ALK: variants seen among roughly 807,000 people sequenced by gnomAD.
ALK encodes the protein ALK tyrosine kinase receptor.
A neutral mutation model predicts 163.1 loss-of-function variants in ALK; 74 were observed. The observed-to-expected ratio is 0.45, with a 90% CI of 0.38 to 0.55. ALK has a LOEUF of 0.55. ALK is among the 20% of genes least tolerant of loss of function. The pLI, the probability that ALK is intolerant of heterozygous loss-of-function variation, is 0.00. For missense variants in ALK, 2,063 were observed against 2,105.3 expected, an observed-to-expected ratio of 0.98 and a Z score of 0.39; for synonymous variants, 960 against 843.2, an observed-to-expected ratio of 1.14 and a Z score of -2.40.
At chr2:29,727,248 G>T (rs1374597556) in intron 1 of ALK, among the ~76,000 whole-genome samples, 3 of 152,178 alleles carry the variant, frequency 2.0e-5, no homozygotes, top group Non-Finnish European at 2.9e-5. Context: ...CTTAGGGTGA[G>T]GGGAAGAAGA....
intron 1 of ALK, among the ~76,000 whole-genome samples, chr2:29,737,081 T>C (rs1679912956): frequency 6.6e-6 from 1 of 152,074 alleles, no homozygotes; most frequent in Non-Finnish European, 1.5e-5. Flanking sequence ...AGTAAAAGCG[T>C]TTTGTAGAAA....
rs1666214137 is a variant in ALK, at chr2:29,297,194, C to G, written c.1648-137G>C. ...CTGGTGAGAAGAGCTGGATGCCCAC[C>G]ACCTGTCTCACCAAGAGGCTTTCAG... On this transcript the variant is annotated intron_variant, in intron 8 of 28. Transcript: ENST00000389048. 3 of 859,938 alleles carry G rather than the reference C, an allele frequency of 3.5e-6. No individual in the cohort carries two copies. In the Admixed American group the frequency reaches 6.0e-5, roughly 17 times the overall value. 53.3% of individuals were successfully genotyped at this position (859,938 alleles called of 1,614,324 possible).
intron 4 of ALK, among the ~76,000 whole-genome samples, chr2:29,530,232 A>G (rs1673086291): frequency 6.6e-6 from 1 of 152,114 alleles, no homozygotes; most frequent in Non-Finnish European, 1.5e-5. Context: ...TTAAATGAGA[A>G]TTGACTTCCT....
chr2:29,198,322 T>C (rs139156341), intron 26 of ALK, among the ~76,000 whole-genome samples: 2,081 of 136,370 alleles, frequency 0.015, 42 homozygotes, highest in African/African-American at 0.058. Context: ...AATGGAACTC[T>C]TTCTGTACAC....
At chr2:29,722,505 G>A (rs112847577) in intron 1 of ALK, among the ~76,000 whole-genome samples, 63 of 152,270 alleles carry the variant, frequency 4.1e-4, no homozygotes, top group African/African-American at 1.4e-3. Context: ...ACCATACAGT[G>A]AATTTCTCCT....
intron 4 of ALK, among the ~76,000 whole-genome samples, chr2:29,473,853 C>CAAAACAAAAACAAAAACAAAAACA (rs61386576): frequency 1.8e-4 from 27 of 151,012 alleles, no homozygotes; most frequent in African/African-American, 6.6e-4. Context: ...GAGACTTTGT[C>CAAAACAAAAACAAAAACAAAAACA]AAAACAAAAA....
chr2:29,868,775 G>A (rs3936218), intron 1 of ALK, among the ~76,000 whole-genome samples: 1,757 of 152,268 alleles, frequency 0.012, 35 homozygotes, highest in African/African-American at 0.04. Flanking sequence ...CTTCCATCAG[G>A]AGGTGGGGTT....
chr2:29,429,707 T>C (rs922037478), intron 4 of ALK, among the ~76,000 whole-genome samples: 1 of 152,060 alleles, frequency 6.6e-6, no homozygotes, highest in Non-Finnish European at 1.5e-5. Context: ...AGGTAACTTT[T>C]TGGTATAAAT....
intron 25 of ALK, chr2:29,208,068 A>G (rs1459283297): frequency 4.5e-6 from 2 of 442,372 alleles, no homozygotes; most frequent in Admixed American, 5.0e-5. Flanking sequence ...GAGGACATAA[A>G]TAGGTCAGTC....
intron 3 of ALK, among the ~76,000 whole-genome samples, chr2:29,614,052 G>GGGGCA (rs1675770800): frequency 6.6e-6 from 1 of 152,144 alleles, no homozygotes; most frequent in African/African-American, 2.4e-5. Flanking sequence ...AGACTCACCG[G>GGGGCA]GGGCATCAGG....
chr2:29,920,216 C>T lies in ALK; in HGVS notation c.444G>A (p.Glu148=). ...GCCCGACGCAACCCTCCAAGATCGC[C>T]TCCTCGCCCAGCTCCAGCACCAACT... is the stretch of plus-strand genomic sequence containing the variant. ...AKQLVLELGE[E]AILEGCVGPP... Residue 148 remains glutamate (E), a synonymous_variant, in exon 1 of 29, where the codon GAG becomes GAA. Transcript: ENST00000389048. 6.2e-7 allele frequency: 1 copy of T among 1,612,988 alleles called. No individual in the cohort carries two copies. The highest frequency in any genetic ancestry group is 8.5e-7 in the Non-Finnish European group (1 of 1,179,882).
At chr2:29,438,511 G>A (rs1488800721) in intron 4 of ALK, among the ~76,000 whole-genome samples, 1 of 152,168 alleles carries the variant, frequency 6.6e-6, no homozygotes, top group Non-Finnish European at 1.5e-5. Context: ...AAATTATTTT[G>A]AGAAGACAAG....
chr2:29,456,743 G>T (rs1231449945), intron 4 of ALK, among the ~76,000 whole-genome samples: 1 of 152,108 alleles, frequency 6.6e-6, no homozygotes, highest in Non-Finnish European at 1.5e-5. Context: ...AATAAAAAAT[G>T]GGAATATTAC....
rs75158395 is a variant in ALK, at chr2:29,296,949, C to T, written c.1756G>A (p.Ala586Thr). 9.3e-6 allele frequency: 15 copies of T among 1,614,056 alleles called. 1 individual carries two copies. Among genetic ancestry groups the T allele is most frequent in the African/African-American group, 8.0e-5 (6 of 74,924 alleles). Residue 586 changes from alanine (A) to threonine (T), a missense_variant, in exon 9 of 29, where the codon GCC becomes ACC. Physicochemically the swap from Ala to Thr is moderately conservative, Grantham distance 58. Coordinates refer to ENST00000389048, the MANE Select transcript of ALK (RefSeq NM_004304.5). Reference protein sequence around the residue: ...EQGRMVWHVAAYEGLSLWQWM... With the variant: ...EQGRMVWHVATYEGLSLWQWM... ...TGCCACAGGCTCAAGCCTTCATAGG[C>T]GGCGACATGCCAGACCATCCTGCCT...
intron 3 of ALK, among the ~76,000 whole-genome samples, chr2:29,594,255 G>T (rs180994501): frequency 4.6e-4 from 70 of 152,144 alleles, no homozygotes; most frequent in South Asian, 2.3e-3. Flanking sequence ...TTTGAGGTTA[G>T]GTATTTACAT....
intron 4 of ALK, among the ~76,000 whole-genome samples, chr2:29,490,026 G>A (rs1671864590): frequency 2.0e-5 from 3 of 152,260 alleles, no homozygotes. Flanking sequence ...ATAGGAACTA[G>A]GGCATGGGCC....
chr2:29,578,959 G>A (rs1198635616), intron 3 of ALK, among the ~76,000 whole-genome samples: 1 of 152,222 alleles, frequency 6.6e-6, no homozygotes, highest in East Asian at 1.9e-4. Flanking sequence ...CCAAGGCATG[G>A]ACTGCTGAAT....
chr2:29,827,078 C>A (rs780557869), intron 1 of ALK, among the ~76,000 whole-genome samples: 4 of 152,154 alleles, frequency 2.6e-5, no homozygotes, highest in Non-Finnish European at 5.9e-5. Context: ...AGCTTTCAAC[C>A]AATGATCATA....
intron 4 of ALK, among the ~76,000 whole-genome samples, chr2:29,447,530 A>G (rs1375803537): frequency 1.3e-5 from 2 of 152,260 alleles, no homozygotes; most frequent in South Asian, 2.1e-4. Flanking sequence ...AAAATAGAAT[A>G]AAATTGGTCC....
Sources: allele counts gnomAD v4.1 joint callset (sites outside exome capture counted in the v4.1 genomes callset), GRCh38; gene constraint gnomAD v4.1.1; transcripts MANE v1.5; gene names NCBI Gene and HGNC (gene_info 2026-07-23, HGNC 2026-07-21).